NAA11: variants seen among roughly 807,000 people sequenced by gnomAD.
The protein encoded by NAA11 is N-alpha-acetyltransferase 11.
A neutral mutation model predicts 16.1 loss-of-function variants in NAA11; 15 were observed. That is an observed-to-expected ratio of 0.93 (90% CI 0.62 to 1.44). The LOEUF (loss-of-function observed/expected upper bound fraction) is 1.44. NAA11 is among the 40% of genes most tolerant of loss of function. The pLI is 0.00. For missense variants in NAA11, 298 were observed against 291.3 expected, an observed-to-expected ratio of 1.02 and a Z score of -0.17; for synonymous variants, 122 against 112.4, an observed-to-expected ratio of 1.09 and a Z score of -0.54.
chr4:79,204,225 T>A, the NAA11 span, among the ~76,000 whole-genome samples: 1 of 151,878 alleles, frequency 6.6e-6, no homozygotes, highest in Non-Finnish European at 1.5e-5. Flanking sequence ...CTCATGACAA[T>A]GTTGTTTACA....
the NAA11 span, among the ~76,000 whole-genome samples, chr4:79,202,546 A>T: frequency 1.8e-5 from 2 of 110,114 alleles, no homozygotes; most frequent in Non-Finnish European, 4.1e-5. Context: ...ACACACGCAC[A>T]CACACACACC....
At chr4:79,320,615 A>C (rs766580276) in intron 1 of NAA11, among the ~76,000 whole-genome samples, 1 of 152,212 alleles carries the variant, frequency 6.6e-6, no homozygotes, top group East Asian at 1.9e-4. Context: ...CATCATTAAC[A>C]GTGCTTAGAA....
intron 2 of NAA11, among the ~76,000 whole-genome samples, chr4:79,270,069 G>C (rs1191830474): frequency 6.6e-6 from 1 of 150,804 alleles, no homozygotes; most frequent in East Asian, 2.0e-4. Flanking sequence ...CTATATCTCT[G>C]TTTTGGTACC....
chr4:79,187,507 C>T, the NAA11 span, among the ~76,000 whole-genome samples: 1 of 152,084 alleles, frequency 6.6e-6, no homozygotes, highest in African/African-American at 2.4e-5. Flanking sequence ...AAATACTAAC[C>T]GTGACAGTTA....
chr4:79,294,657 C>A (rs1723168026), intron 1 of NAA11, among the ~76,000 whole-genome samples: 1 of 152,038 alleles, frequency 6.6e-6, no homozygotes, highest in Non-Finnish European at 1.5e-5. Flanking sequence ...CTCTAAGGTT[C>A]TTTTATCCAG....
chr4:79,271,159 C>G (rs1328437182), intron 2 of NAA11, among the ~76,000 whole-genome samples: 13 of 72,860 alleles, frequency 1.8e-4, no homozygotes, highest in African/African-American at 6.2e-4. Flanking sequence ...TCTCCTTAAG[C>G]TGATAAGCAA....
intron 1 of NAA11, among the ~76,000 whole-genome samples, chr4:79,309,600 T>C (rs555322237): frequency 6.6e-6 from 1 of 152,088 alleles, no homozygotes; most frequent in Non-Finnish European, 1.5e-5. Context: ...GAAAACAGGG[T>C]ATGGAAATAG....
chr4:79,167,977 C>T, the NAA11 span, among the ~76,000 whole-genome samples: 1 of 151,914 alleles, frequency 6.6e-6, no homozygotes, highest in Non-Finnish European at 1.5e-5. Flanking sequence ...ACTCATTAAC[C>T]CATCATCTAC....
At chr4:79,188,516 C>T in the NAA11 span, among the ~76,000 whole-genome samples, 6 of 150,654 alleles carry the variant, frequency 4.0e-5, no homozygotes, top group Non-Finnish European at 8.8e-5. Context: ...AGCTGAGGGG[C>T]GGAGCTTGCA....
intron 2 of NAA11, among the ~76,000 whole-genome samples, chr4:79,234,180 C>T (rs1010146151): frequency 5.3e-5 from 8 of 152,080 alleles, no homozygotes; most frequent in Non-Finnish European, 8.8e-5. Flanking sequence ...TCTTCCCTGC[C>T]TAAAATGATT....
the NAA11 span, among the ~76,000 whole-genome samples, chr4:79,175,743 TAAAA>T: frequency 1.6e-5 from 2 of 123,448 alleles, no homozygotes. Flanking sequence ...GTAATCACTG[TAAAA>T]AAAAAAAAAA....
In NAA11 at chr4:79,256,645, A is replaced by ATAAATATATAT. The variant is rs1722112473; in HGVS notation, c.*123-30376_*123-30375insATATATATTTA. On this transcript the variant is annotated intron_variant and NMD_transcript_variant, in intron 2 of 2. Transcript: ENST00000511542. ...AATTAAAATGAACCATATATATATA[A>ATAAATATATAT]ATATAAATATATATATATATATATT... Among the ~76,000 whole-genome samples, 55 of 75,456 alleles carry ATAAATATATAT rather than the reference A, an allele frequency of 7.3e-4. 2 individuals carry two copies. The highest frequency in any genetic ancestry group is 2.3e-3 in the African/African-American group (50 of 22,150). 49.5% of individuals were successfully genotyped at this position (75,456 alleles called of 152,430 possible).
At chr4:79,187,998 C>CAAAAAAAAAAAAAAAAA in the NAA11 span, among the ~76,000 whole-genome samples, 1 of 74,184 alleles carries the variant, frequency 1.3e-5, no homozygotes, top group Non-Finnish European at 2.3e-5. Flanking sequence ...GACTCCGTCT[C>CAAAAAAAAAAAAAAAAA]AAAAAAAAAA....
At chr4:79,264,508 A>T (rs1052295459) in intron 2 of NAA11, among the ~76,000 whole-genome samples, 1 of 152,076 alleles carries the variant, frequency 6.6e-6, no homozygotes, top group African/African-American at 2.4e-5. Flanking sequence ...TGTCTTTCAC[A>T]TACTTTCTTC....
intron 1 of NAA11, among the ~76,000 whole-genome samples, chr4:79,324,002 C>CAA (rs35787469): frequency 4.2e-5 from 5 of 118,152 alleles, no homozygotes; most frequent in South Asian, 5.2e-4. Context: ...GACTCTGTCT[C>CAA]AAAAAAAAAA....
intron 2 of NAA11, among the ~76,000 whole-genome samples, chr4:79,229,267 CTT>C (rs1297367442): frequency 1.3e-5 from 2 of 151,642 alleles, no homozygotes; most frequent in Admixed American, 1.3e-4. Flanking sequence ...TGATATTCAT[CTT>C]TTACATGTGA....
At chr4:79,266,718 T>C (rs6534269) in intron 2 of NAA11, among the ~76,000 whole-genome samples, 68,813 of 152,072 alleles carry the variant, frequency 0.45, 16,113 homozygotes, top group Middle Eastern at 0.57. Context: ...AAATAACTGG[T>C]ATAAGAACTT....
At chr4:79,200,325 G>T in the NAA11 span, among the ~76,000 whole-genome samples, 17 of 151,802 alleles carry the variant, frequency 1.1e-4, no homozygotes, top group Non-Finnish European at 1.9e-4. Context: ...CTGGGCCTTG[G>T]GGGCAGAGTA....
chr4:79,243,334 T>TGAAAAG, intron 2 of NAA11, among the ~76,000 whole-genome samples: 1 of 152,244 alleles, frequency 6.6e-6, no homozygotes, highest in Non-Finnish European at 1.5e-5. Context: ...TTTCCTCAAT[T>TGAAAAG]ATCTTGAAAA....
Sources: gnomAD v4.1 joint callset for allele counts (sites outside exome capture counted in the v4.1 genomes callset) on GRCh38, gnomAD v4.1.1 for gene constraint, MANE v1.5 for transcripts, NCBI Gene and HGNC (gene_info 2026-07-23, HGNC 2026-07-21) for gene names.